The following TLK2 variants were observed in gnomAD, a reference collection of about 807,000 sequenced individuals.
The protein encoded by TLK2 is tousled like kinase 2, also known as serine/threonine-protein kinase tousled-like 2.
In TLK2, 6 loss-of-function variants were observed where a neutral mutation model predicts 117.3. The observed-to-expected ratio is 0.05, with a 90% CI of 0.03 to 0.10. The LOEUF (loss-of-function observed/expected upper bound fraction) is 0.10. Ranked by LOEUF, TLK2 falls within the 10% of genes least tolerant of loss-of-function variation. The probability of loss-of-function intolerance (pLI) is 1.00; values close to 1 mark genes in which losing one functional copy is unlikely to be tolerated. For missense variants in TLK2, 299 were observed against 901.2 expected (o/e 0.33, Z 8.56); for synonymous variants, 257 against 316.7 (o/e 0.81, Z 2.00).
chr17:62,580,065 CTG>C, intron 14 of TLK2, 44 bp from the exon 15 acceptor site: 7 of 1,530,204 alleles, frequency 4.6e-6, no homozygotes, highest in Non-Finnish European at 5.4e-6. Context: ...GCGTGGAAGA[CTG>C]TAGTCCATGA....
intron 9 of TLK2, among the ~76,000 whole-genome samples, chr17:62,556,665 T>C (rs1356721102): frequency 6.6e-6 from 1 of 152,246 alleles, no homozygotes; most frequent in African/African-American, 2.4e-5. Context: ...CATAATTTGT[T>C]AAATATTACC....
At chr17:62,579,918 G>A (rs1335197165) in intron 14 of TLK2, among the ~76,000 whole-genome samples, 193 bp from the exon 15 acceptor site, 1 of 152,134 alleles carries the variant, frequency 6.6e-6, no homozygotes, top group Non-Finnish European at 1.5e-5. Flanking sequence ...AGCTGGTGCT[G>A]TTCATTGTAA....
Position 62,479,147 on chromosome 17 carries a change from T to A in TLK2, c.-149T>A, listed in dbSNP as rs2071289799. Reference sequence around the variant, plus strand: ...CGTGGAGCCCGGCGCCGGCGGCGGCTGCCCGGGCGGGGGGTTGCGGCGCTC... The same window carrying A: ...CGTGGAGCCCGGCGCCGGCGGCGGCAGCCCGGGCGGGGGGTTGCGGCGCTC... On this transcript the variant is annotated 5_prime_UTR_variant, in exon 1 of 22. Transcript: ENST00000346027. 1 of 150,362 alleles carries A rather than the reference T, an allele frequency of 6.7e-6. No individual in the cohort carries two copies. The highest frequency in any genetic ancestry group is 1.5e-5 in the Non-Finnish European group (1 of 67,286). 9.3% of individuals were successfully genotyped at this position (150,362 alleles called of 1,614,324 possible).
intron 8 of TLK2, 25 bp from the exon 9 acceptor site, chr17:62,553,638 A>G: frequency 1.3e-6 from 2 of 1,522,580 alleles, no homozygotes; most frequent in South Asian, 1.1e-5. Context: ...CTAATCCTAA[A>G]TTTGTTTTAC....
At chr17:62,602,212 A>G (rs201427053) in intron 19 of TLK2, 32 bp downstream of exon 19, 31 of 1,606,698 alleles carry the variant, frequency 1.9e-5, no homozygotes, top group Middle Eastern at 3.3e-4. Flanking sequence ...CAGGTTGGCT[A>G]TAGAGATGTG....
At chr17:62,518,176 C>T (rs2145451869) in intron 2 of TLK2, among the ~76,000 whole-genome samples, 1 of 152,232 alleles carries the variant, frequency 6.6e-6, no homozygotes, top group Non-Finnish European at 1.5e-5. Context: ...TGATTTTTCA[C>T]AGAAAAAATT....
At chr17:62,604,420 AT>A (rs1027074883) in intron 19 of TLK2, among the ~76,000 whole-genome samples, 5 of 136,148 alleles carry the variant, frequency 3.7e-5, no homozygotes, top group Admixed American at 7.3e-5. Flanking sequence ...ATATATATAT[AT>A]TTTTAGCACA....
At chr17:62,610,557 A>G (rs1295112813) in intron 21 of TLK2, among the ~76,000 whole-genome samples, 1 of 152,244 alleles carries the variant, frequency 6.6e-6, no homozygotes. Context: ...TGGTTAGGGA[A>G]GGCCTCAAAG....
chr17:62,477,087 T>C (rs536227422), upstream of TLK2, among the ~76,000 whole-genome samples: 13 of 151,844 alleles, frequency 8.6e-5, no homozygotes, highest in East Asian at 2.5e-3. Context: ...CGAGACTCTG[T>C]CTCAAAAAAA....
At chr17:62,491,841 C>T (rs1280613174) in intron 2 of TLK2, among the ~76,000 whole-genome samples, 1 of 152,224 alleles carries the variant, frequency 6.6e-6, no homozygotes, top group African/African-American at 2.4e-5. Context: ...GTCTTGGCCT[C>T]CCAAAGCACT....
chr17:62,485,925 A>C (rs1429825091), intron 2 of TLK2, among the ~76,000 whole-genome samples: 2 of 145,264 alleles, frequency 1.4e-5, no homozygotes, highest in Admixed American at 1.5e-4. Context: ...GGTTCACGCC[A>C]TTCTCCTGCC....
At chr17:62,590,612 A>C (rs1051203418) in intron 16 of TLK2, among the ~76,000 whole-genome samples, 8 of 152,152 alleles carry the variant, frequency 5.3e-5, no homozygotes, top group African/African-American at 1.7e-4. Context: ...TAACCCTCTT[A>C]ATCAGGTGCC....
Position 62,612,344 on chromosome 17 carries a change from G to A in TLK2, c.2080-48G>A, listed in dbSNP as rs367922143. 4 of 1,586,168 alleles carry A rather than the reference G, an allele frequency of 2.5e-6. No homozygotes were observed. In the African/African-American group the frequency reaches 4.0e-5, roughly 16 times the overall value. ...TAGAGAGCCTTAGGGTTCCCTCCAG[G>A]GGTGCCAAGACTATCTGCCTCTGTC... On this transcript the variant is annotated intron_variant, in intron 21 of 21. Coordinates refer to ENST00000346027, the MANE Select transcript of TLK2 (RefSeq NM_006852.6).
chr17:62,599,820 C>G (rs997615372), intron 17 of TLK2, among the ~76,000 whole-genome samples: 3 of 152,140 alleles, frequency 2.0e-5, no homozygotes, highest in African/African-American at 7.2e-5. Flanking sequence ...TAGAAAACTT[C>G]AAAACGTATT....
At chr17:62,487,410 T>C (rs1286533024) in intron 2 of TLK2, among the ~76,000 whole-genome samples, 1 of 151,066 alleles carries the variant, frequency 6.6e-6, no homozygotes, top group Non-Finnish European at 1.5e-5. Flanking sequence ...TCCCAGCTGC[T>C]CAGGAGGCTG....
At chr17:62,577,973 G>T (rs1280447815) in intron 13 of TLK2, among the ~76,000 whole-genome samples, 1 of 152,172 alleles carries the variant, frequency 6.6e-6, no homozygotes, top group African/African-American at 2.4e-5. Flanking sequence ...CTTGGACCTG[G>T]GAGGCGGAGG....
At chr17:62,495,814 G>A (rs12941647) in intron 2 of TLK2, among the ~76,000 whole-genome samples, 1 of 151,098 alleles carries the variant, frequency 6.6e-6, no homozygotes, top group African/African-American at 2.4e-5. Context: ...GCATGCTGCC[G>A]TGCCCAGCTA....
chr17:62,550,390 A>G (rs1598520896), intron 7 of TLK2: 1 of 152,358 alleles, frequency 6.6e-6, no homozygotes, highest in East Asian at 1.9e-4. Context: ...TATTTATTAT[A>G]TGATTGTTTA....
intron 2 of TLK2, among the ~76,000 whole-genome samples, chr17:62,519,673 T>C (rs1397690238): frequency 3.9e-5 from 6 of 152,262 alleles, no homozygotes; most frequent in African/African-American, 1.4e-4. Flanking sequence ...AATATAAAAT[T>C]ATTTCTTCCT....
Sources: allele counts gnomAD v4.1 joint callset (sites outside exome capture counted in the v4.1 genomes callset), GRCh38; gene constraint gnomAD v4.1.1; transcripts MANE v1.5; gene names NCBI Gene and HGNC (gene_info 2026-07-23, HGNC 2026-07-21).